The following LCORL variants were observed in gnomAD, a reference collection of about 807,000 sequenced individuals.
LCORL encodes ligand dependent nuclear receptor corepressor like, also known as ligand-dependent nuclear receptor corepressor-like protein.
Under a neutral mutation model 141.8 loss-of-function variants are expected in LCORL, and 41 were observed. The observed-to-expected ratio is 0.29, with a 90% CI of 0.23 to 0.38. LCORL has a LOEUF of 0.38. Among genes scored for constraint, LCORL ranks in the 10% least tolerant of loss-of-function variants. The pLI is 1.00. For synonymous variants in LCORL, 618 were observed against 694.1 expected, an observed-to-expected ratio of 0.89 and a Z score of 1.72; for missense variants, 1,759 against 2,035.0, an observed-to-expected ratio of 0.86 and a Z score of 2.61.
chr4:17,901,297 C>A (rs7663887), intron 5 of LCORL, among the ~76,000 whole-genome samples: 32,122 of 151,468 alleles, frequency 0.21, 3,947 homozygotes, highest in African/African-American at 0.34. Context: ...AAAGACTATT[C>A]GTTGGCAGTC....
rs549544816 is a variant in LCORL, at chr4:17,883,699, A to C, written c.776+2369T>G. 659 of 1,495,986 alleles carry C rather than the reference A, an allele frequency of 4.4e-4. 3 individuals are homozygous for C. The African/African-American group carries it at 8.5e-3, about 19-fold the overall frequency. 92.7% of individuals were successfully genotyped at this position (1,495,986 alleles called of 1,614,324 possible). On this transcript the variant is annotated intron_variant, in intron 6 of 7. Transcript: ENST00000635767. ...ACACACACACACACACACACTCACA[A>C]ACATTTTCCTAACAAGTAATCTACA...
chr4:17,920,933 T>A (rs930743664), intron 4 of LCORL, among the ~76,000 whole-genome samples: 4 of 152,242 alleles, frequency 2.6e-5, no homozygotes, highest in African/African-American at 9.6e-5. Flanking sequence ...ATGTTATCTA[T>A]GAGGGTTGGA....
At chr4:17,924,861 G>A (rs1018543511) in intron 4 of LCORL, among the ~76,000 whole-genome samples, 13 of 152,212 alleles carry the variant, frequency 8.5e-5, no homozygotes, top group Admixed American at 5.2e-4. Flanking sequence ...CATACTTTGC[G>A]GGGCTAGGGC....
intron 7 of LCORL, among the ~76,000 whole-genome samples, chr4:17,865,889 T>C (rs946388756): frequency 4.6e-5 from 7 of 152,204 alleles, no homozygotes; most frequent in Admixed American, 3.3e-4. Flanking sequence ...CCCTACACCC[T>C]TCCTTCTTCA....
chr4:17,896,573 C>T (rs540926863), intron 5 of LCORL, among the ~76,000 whole-genome samples: 3 of 152,240 alleles, frequency 2.0e-5, no homozygotes, highest in Middle Eastern at 3.4e-3. Context: ...TGAGCCACCA[C>T]GCCTGGCCTG....
chr4:17,991,844 T>C (rs533468832), intron 1 of LCORL, among the ~76,000 whole-genome samples: 8 of 152,060 alleles, frequency 5.3e-5, no homozygotes, highest in East Asian at 1.9e-4. Flanking sequence ...TAATACCATA[T>C]CTGAAGCCCT....
rs1727038158 is a variant in LCORL, at chr4:17,877,425, C to T, written c.1565G>A (p.Gly522Asp). The change falls in exon 7 of 8, where the codon GGT becomes GAT. Residue 522 changes from glycine (G) to aspartate (D), a missense_variant. Gly to Asp is a moderately conservative substitution (Grantham distance 94). Transcript: ENST00000635767. The stretch of plus-strand genomic sequence containing the variant: ...ATCTTGAAAAATTACAGCAGTTTCA[C>T]CTTTTTCATGATTTGTAGTAGAATT... 5.7e-6 allele frequency: 7 copies of T among 1,229,254 alleles called. No individual in the cohort carries two copies. The Admixed American group carries it at 2.5e-4, about 45-fold the overall frequency. 76.1% of individuals were successfully genotyped at this position (1,229,254 alleles called of 1,614,324 possible). A position where few individuals can be genotyped will look rare whatever the true frequency, so the allele number is the denominator to read the frequency against.
At chr4:18,012,614 G>T (rs1209696801) in intron 1 of LCORL, among the ~76,000 whole-genome samples, 1 of 152,058 alleles carries the variant, frequency 6.6e-6, no homozygotes, top group African/African-American at 2.4e-5. Context: ...CTTTTAAAAT[G>T]TGTAATGCAC....
At chr4:17,886,884 C>T (rs1423397170) in intron 5 of LCORL, among the ~76,000 whole-genome samples, 1 of 151,974 alleles carries the variant, frequency 6.6e-6, no homozygotes, top group East Asian at 1.9e-4. Context: ...ATCTGGCATG[C>T]TTCAGGATCA....
chr4:17,910,133 A>T lies in LCORL; in HGVS notation c.431-788T>A, dbSNP rs75338291. 7.0e-4 allele frequency among the ~76,000 whole-genome samples: 107 copies of T among 152,334 alleles called. 1 individual carries two copies. The highest frequency in any genetic ancestry group is 1.2e-3 in the Non-Finnish European group (85 of 68,008). On this transcript the variant is annotated intron_variant, in intron 4 of 7. Coordinates refer to ENST00000635767, the Ensembl canonical transcript of LCORL. ...TCAAGTACAACTATAATAAAGTTCA[A>T]CAGTAATAATACAACTCTGTCTGAA...
chr4:17,881,277 T>A, intron 6 of LCORL: 1 of 981,942 alleles, frequency 1.0e-6, no homozygotes, highest in Non-Finnish European at 1.2e-6. Context: ...TGTCAATTAA[T>A]AAATAGTAAC....
intron 1 of LCORL, among the ~76,000 whole-genome samples, chr4:17,997,660 C>T (rs1288994807): frequency 1.3e-5 from 2 of 151,936 alleles, no homozygotes; most frequent in African/African-American, 4.8e-5. Flanking sequence ...ACCTTAAACT[C>T]ATAGTTTGGT....
At chr4:17,903,157 C>T (rs1323510135) in intron 5 of LCORL, among the ~76,000 whole-genome samples, 1 of 151,878 alleles carries the variant, frequency 6.6e-6, no homozygotes, top group Non-Finnish European at 1.5e-5. Context: ...ATAAATAAAT[C>T]CAATATACTG....
intron 4 of LCORL, among the ~76,000 whole-genome samples, chr4:17,960,468 C>T (rs1371698970): frequency 1.3e-5 from 2 of 152,100 alleles, no homozygotes; most frequent in South Asian, 2.1e-4. Context: ...TAATGACTTC[C>T]AAGGTAAATG....
intron 7 of LCORL, among the ~76,000 whole-genome samples, chr4:17,856,164 A>G (rs1268998048): frequency 1.3e-5 from 2 of 152,232 alleles, no homozygotes; most frequent in African/African-American, 4.8e-5. Context: ...ACACATTGAT[A>G]ATTCCAATGA....
chr4:17,974,633 G>C (rs183795072), intron 1 of LCORL, among the ~76,000 whole-genome samples: 13 of 152,182 alleles, frequency 8.5e-5, no homozygotes, highest in East Asian at 5.8e-4. Flanking sequence ...TTTGGTAACA[G>C]AGTAATGCTG....
At chr4:17,888,021 CACTT>C (rs1240929359) in intron 5 of LCORL, among the ~76,000 whole-genome samples, 1 of 152,096 alleles carries the variant, frequency 6.6e-6, no homozygotes, top group Non-Finnish European at 1.5e-5. Context: ...ATACCAGTAA[CACTT>C]ACTTACAGTA....
chr4:18,019,429 G>C (rs1053165696), intron 1 of LCORL, among the ~76,000 whole-genome samples: 7 of 152,212 alleles, frequency 4.6e-5, no homozygotes, highest in African/African-American at 1.7e-4. Context: ...AATATAGTTA[G>C]AAGCCAGGGA....
chr4:17,976,420 C>T (rs1181741683), intron 1 of LCORL, among the ~76,000 whole-genome samples: 2 of 152,000 alleles, frequency 1.3e-5, no homozygotes, highest in East Asian at 3.9e-4. Context: ...ATAGCCATAC[C>T]TCTTCTAGTT....
Sources: allele counts gnomAD v4.1 joint callset (sites outside exome capture counted in the v4.1 genomes callset), GRCh38; gene constraint gnomAD v4.1.1; transcripts MANE v1.5; gene names NCBI Gene and HGNC (gene_info 2026-07-23, HGNC 2026-07-21).